The following PRSS16 variants were observed in gnomAD, a reference collection of about 807,000 sequenced individuals.
PRSS16 encodes thymus-specific serine protease.
Under a neutral mutation model 61.7 loss-of-function variants are expected in PRSS16, and 43 were observed. The observed-to-expected ratio is 0.70, with a 90% confidence interval of 0.55 to 0.90. The LOEUF (loss-of-function observed/expected upper bound fraction) is 0.90, where lower values mean the gene tolerates loss of function less well. PRSS16 is among the 40% of genes least tolerant of loss of function. PRSS16 has a pLI of 0.00. For missense variants in PRSS16, 591 were observed against 659.1 expected (o/e 0.90, Z 1.13); for synonymous variants, 273 against 285.2 (o/e 0.96, Z 0.43).
intron 9 of PRSS16, chr6:27,254,120 C>G (rs569493049): frequency 2.0e-5 from 3 of 152,978 alleles, no homozygotes; most frequent in Non-Finnish European, 4.4e-5. Flanking sequence ...CCTGTCTTCC[C>G]CTCTGGACTG....
chr6:27,251,989 G>T lies in PRSS16; in HGVS notation c.957G>T (p.Gly319=), dbSNP rs1166366123. The part of the protein sequence containing the change: ...RQLCGLLLGG[G]GNRSHSTPYC... ...TCTGCGGACTTCTCCTCGGGGGCGG[G>T]GGCAACCGCAGCCACTCCACGCCCT... is the stretch of plus-strand genomic sequence containing the variant. Residue 319 remains glycine (G), a synonymous_variant, in exon 8 of 12, where the codon GGG becomes GGT. Coordinates refer to ENST00000230582, the MANE Select transcript of PRSS16 (RefSeq NM_005865.4). This position sits in a 1 kb window ranked among gnomAD's most constrained non-coding sequence, Gnocchi z 5.6. 1.9e-6 allele frequency: 3 copies of T among 1,587,122 alleles called. No homozygotes were observed. Among genetic ancestry groups the T allele is most frequent in the Admixed American group, 3.6e-5 (2 of 55,458 alleles).
At position 27,251,797 on chromosome 6, in the gene PRSS16, G is replaced by T; in HGVS notation, c.765G>T (p.Leu255=). 6.2e-7 allele frequency: 1 copy of T among 1,609,350 alleles called. No homozygotes were observed. Among genetic ancestry groups the T allele is most frequent in the South Asian group, 1.1e-5 (1 of 90,876 alleles). The change falls in exon 8 of 12, where the codon CTG becomes CTT. Residue 255 remains leucine (L), a synonymous_variant. Coordinates refer to ENST00000230582, the MANE Select transcript of PRSS16 (RefSeq NM_005865.4). The surrounding 1 kb of genome is among the most constrained non-coding windows in gnomAD (Gnocchi z 5.6). The part of the protein sequence containing the change: ...SVAFAEVERR[L]RSGGAAQAAL... ...CCTTCGCTGAAGTGGAGCGGCGGCTGCGCTCGGGTGGGGCGGCTCAAGCAG... is the reference window on the plus strand; with the variant it reads ...CCTTCGCTGAAGTGGAGCGGCGGCTTCGCTCGGGTGGGGCGGCTCAAGCAG...
Position 27,247,958 on chromosome 6 carries a change from G to T in PRSS16, c.147G>T (p.Leu49=). 1 of 1,608,262 alleles carries T rather than the reference G, an allele frequency of 6.2e-7. No homozygotes were observed. The highest frequency in any genetic ancestry group is 8.5e-7 in the Non-Finnish European group (1 of 1,177,494). ...ESSAQGLGLS[L]GPGAAALPKV... ...CTGCCCAGGGCCTGGGCCTGAGCCT[G>T]GGGCCAGGTGCTGCAGCCCTCCCAA... The change falls in exon 2 of 12, where the codon CTG becomes CTT. Residue 49 remains leucine, a synonymous_variant. Transcript: ENST00000230582.
chr6:27,251,262 G>A lies in PRSS16; in HGVS notation c.715G>A (p.Glu239Lys). 3 of 1,604,764 alleles carry A rather than the reference G, an allele frequency of 1.9e-6. No homozygotes were observed. The highest frequency in any genetic ancestry group is 2.6e-6 in the Non-Finnish European group (3 of 1,175,364). ...GAGCACCGCGATCGGCGGGTCCCTG[G>A]AGGTAGGAGGTGGGGCCTAGTCCGA... ...LMSTAIGGSLECRAAVSVAFA... is the reference protein window; with the variant it reads ...LMSTAIGGSLKCRAAVSVAFA... The change falls in exon 7 of 12, where the codon GAG (glutamate) becomes AAG (lysine). Residue 239 changes from glutamate to lysine, a missense_variant and splice_region_variant. Physicochemically the swap from Glu to Lys is moderately conservative, Grantham distance 56. Coordinates refer to ENST00000230582, the MANE Select transcript of PRSS16 (RefSeq NM_005865.4). The surrounding 1 kb of genome is among the most constrained non-coding windows in gnomAD (Gnocchi z 5.6).
Position 27,251,253 on chromosome 6 carries a change from G to C in PRSS16, c.706G>C (p.Gly236Arg). 3 of 1,607,676 alleles carry C rather than the reference G, an allele frequency of 1.9e-6. No individual in the cohort carries two copies. The highest frequency in any genetic ancestry group is 2.5e-6 in the Non-Finnish European group (3 of 1,176,670). The change falls in exon 7 of 12, where the codon GGG becomes CGG. Residue 236 changes from glycine (G) to arginine (R), a missense_variant. Gly to Arg is a moderately radical substitution (Grantham distance 125). Transcript: ENST00000230582. This position sits in a 1 kb window ranked among gnomAD's most constrained non-coding sequence, Gnocchi z 5.6. ...AAGCCTAATGAGCACCGCGATCGGCGGGTCCCTGGAGGTAGGAGGTGGGGC... is the reference window on the plus strand; with the variant it reads ...AAGCCTAATGAGCACCGCGATCGGCCGGTCCCTGGAGGTAGGAGGTGGGGC... The part of the protein sequence containing the change: ...SRSLMSTAIG[G>R]SLECRAAVSV...
At position 27,252,925 on chromosome 6, in the gene PRSS16, C is replaced by G; in HGVS notation, c.1126C>G (p.Gln376Glu). Residue 376 changes from glutamine to glutamate, a missense_variant, in exon 9 of 12, where the codon CAG becomes GAG. Transcript: ENST00000230582. The surrounding 1 kb of genome is among the most constrained non-coding windows in gnomAD (Gnocchi z 4.2). ...SGVGDRQWLY[Q>E]TCTEFGFYVT... ...TGTGGGTGACCGGCAGTGGTTGTAT[C>G]AGACATGTACCGAGTTCGGCTTCTG... is the stretch of plus-strand genomic sequence containing the variant. The G allele has an allele frequency of 3.7e-6, 6 of 1,614,148 alleles. No individual in the cohort carries two copies. Among genetic ancestry groups the G allele is most frequent in the Non-Finnish European group, 5.1e-6 (6 of 1,180,030 alleles).
At position 27,251,681 on chromosome 6, in the gene PRSS16, C is replaced by G; in HGVS notation, c.718-69C>G. The G allele has an allele frequency of 6.6e-7, 1 of 1,520,256 alleles. No homozygotes were observed. The highest frequency in any genetic ancestry group is 8.7e-7 in the Non-Finnish European group (1 of 1,145,356). The allele number at this position is 1,520,256 out of a possible 1,614,324, so 94.2% of individuals were successfully genotyped here. Reference sequence around the variant, plus strand: ...GAAAGTGGGGAACCCAAGGAGGACGCAGGTCCTGGGTAGGGAAAGCCGAGG... The same window carrying G: ...GAAAGTGGGGAACCCAAGGAGGACGGAGGTCCTGGGTAGGGAAAGCCGAGG... On this transcript the variant is annotated intron_variant, in intron 7 of 11. Coordinates refer to ENST00000230582, the MANE Select transcript of PRSS16 (RefSeq NM_005865.4). The surrounding 1 kb of genome is among the most constrained non-coding windows in gnomAD (Gnocchi z 5.6).
Position 27,251,968 on chromosome 6 carries a change from C to G in PRSS16, c.936C>G (p.Cys312Trp). 1.3e-6 allele frequency: 2 copies of G among 1,599,064 alleles called. No homozygotes were observed. Among genetic ancestry groups the G allele is most frequent in the Non-Finnish European group, 8.5e-7 (1 of 1,174,436 alleles). The change falls in exon 8 of 12, where the codon TGC becomes TGG. Residue 312 changes from cysteine to tryptophan, a missense_variant. Cys to Trp is a radical substitution (Grantham distance 215, BLOSUM62 -2). Coordinates refer to ENST00000230582, the MANE Select transcript of PRSS16 (RefSeq NM_005865.4). This position sits in a 1 kb window ranked among gnomAD's most constrained non-coding sequence, Gnocchi z 5.6. ...CGCCGCTAAGCGTGCGACAGCTCTG[C>G]GGACTTCTCCTCGGGGGCGGGGGCA... Reference protein sequence around the residue: ...TGAPLSVRQLCGLLLGGGGNR... With the variant: ...TGAPLSVRQLWGLLLGGGGNR...
At position 27,255,409 on chromosome 6, in the gene PRSS16, A is replaced by C; in HGVS notation, c.*94A>C. 1 of 1,312,012 alleles carries C rather than the reference A, an allele frequency of 7.6e-7. No homozygotes were observed. The highest frequency in any genetic ancestry group is 1.1e-6 in the Non-Finnish European group (1 of 947,708). The allele number at this position is 1,312,012 out of a possible 1,614,324, so 81.3% of individuals were successfully genotyped here. ...AAAGCAGCTTGTTTTGAAAGAAGAA[A>C]CTCCCAGGAATTGGAATTCAGCACC... On this transcript the variant is annotated 3_prime_UTR_variant, in exon 12 of 12. Transcript: ENST00000230582. This position sits in a 1 kb window ranked among gnomAD's most constrained non-coding sequence, Gnocchi z 4.4.
rs267600917 is a variant in PRSS16 at position 27,254,726 on chromosome 6, C to T, written c.1184C>T (p.Ser395Phe). ...VTCENPRCPF[S>F]QLPALPSQLD... Reference sequence around the variant, plus strand: ...TGTGAGAATCCCAGATGTCCTTTCTCCCAGCTCCCAGCACTGCCCTCCCAG... The same window carrying T: ...TGTGAGAATCCCAGATGTCCTTTCTTCCAGCTCCCAGCACTGCCCTCCCAG... The change falls in exon 10 of 12, where the codon TCC (serine) becomes TTC (phenylalanine). Residue 395 changes from serine (S) to phenylalanine (F), a missense_variant. By Grantham distance (155) the Ser-to-Phe change is radical. Coordinates refer to ENST00000230582, the MANE Select transcript of PRSS16 (RefSeq NM_005865.4). The T allele has an allele frequency of 6.2e-7, 1 of 1,614,016 alleles. No homozygotes were observed. The highest frequency in any genetic ancestry group is 8.5e-7 in the Non-Finnish European group (1 of 1,179,854).
rs1165531150 is a variant in PRSS16 at position 27,251,002 on chromosome 6, A to C, written c.592-40A>C. ...CAGAGGCAGAAAGATATGCGATTCC[A>C]ACCCCTCAGCCCGCAGGCTGACGGC... On this transcript the variant is annotated intron_variant, in intron 5 of 11. Coordinates refer to ENST00000230582, the MANE Select transcript of PRSS16 (RefSeq NM_005865.4). This position sits in a 1 kb window ranked among gnomAD's most constrained non-coding sequence, Gnocchi z 5.6. 3 of 1,609,554 alleles carry C rather than the reference A, an allele frequency of 1.9e-6. No homozygotes were observed. Among genetic ancestry groups the C allele is most frequent in the Non-Finnish European group, 2.5e-6 (3 of 1,178,118 alleles).
chr6:27,250,886 C>G, intron 5 of PRSS16, 80 bp downstream of exon 5: 1 of 1,547,586 alleles, frequency 6.5e-7, no homozygotes, highest in Non-Finnish European at 8.7e-7. Context: ...GGAATACCCT[C>G]CCACCACGCC....
Position 27,255,121 on chromosome 6 carries a change from T to TA in PRSS16, c.1467dup (p.Gly490ArgfsTer22). The TA allele has an allele frequency of 3.7e-6, 6 of 1,614,160 alleles. No individual in the cohort carries two copies. The highest frequency in any genetic ancestry group is 4.2e-6 in the Non-Finnish European group (5 of 1,180,016). The stretch of plus-strand genomic sequence containing the variant: ...CCCTCAGACTCCCCCAGCCTCCGCC[T>TA]AGGGCGCCAGGTAAGAGAAAAAAGG... On this transcript the variant is annotated frameshift_variant, in exon 11 of 12. Transcript: ENST00000230582. LOFTEE classifies it low-confidence loss of function (END_TRUNC). The surrounding 1 kb of genome is among the most constrained non-coding windows in gnomAD (Gnocchi z 4.4).
rs1283483354 is a variant in PRSS16 at position 27,251,592 on chromosome 6, CG to C, written c.718-153del. 3 of 353,656 alleles carry C rather than the reference CG, an allele frequency of 8.5e-6. No homozygotes were observed. The African/African-American group carries it at 4.6e-4, about 54-fold the overall frequency. 21.9% of individuals were successfully genotyped at this position (353,656 alleles called of 1,614,324 possible). A position where few individuals can be genotyped will look rare whatever the true frequency, so the allele number is the denominator to read the frequency against. On this transcript the variant is annotated intron_variant, in intron 7 of 11. Coordinates refer to ENST00000230582, the MANE Select transcript of PRSS16 (RefSeq NM_005865.4). The surrounding 1 kb of genome is among the most constrained non-coding windows in gnomAD (Gnocchi z 5.6). ...GGGCTGCGAGGCAGGGGATTGGGGG[CG>C]GGGGCCTGGGGGCGGGGGCCTGGGC...
At position 27,251,598 on chromosome 6, in the gene PRSS16, C is replaced by T. The variant is rs1487721922; in HGVS notation, c.718-152C>T. 3 of 770,890 alleles carry T rather than the reference C, an allele frequency of 3.9e-6. No individual in the cohort carries two copies. In the African/African-American group the frequency reaches 6.2e-5, roughly 16 times the overall value. The allele number at this position is 770,890 out of a possible 1,614,324, so 47.8% of individuals were successfully genotyped here. On this transcript the variant is annotated intron_variant, in intron 7 of 11. Coordinates refer to ENST00000230582, the MANE Select transcript of PRSS16 (RefSeq NM_005865.4). The surrounding 1 kb of genome is among the most constrained non-coding windows in gnomAD (Gnocchi z 5.6). ...CGAGGCAGGGGATTGGGGGCGGGGG[C>T]CTGGGGGCGGGGGCCTGGGCCAAGA...
At position 27,251,525 on chromosome 6, in the gene PRSS16, C is replaced by A; in HGVS notation, c.718-225C>A. 1 of 713,116 alleles carries A rather than the reference C, an allele frequency of 1.4e-6. No individual in the cohort carries two copies. Among genetic ancestry groups the A allele is most frequent in the Non-Finnish European group, 2.2e-6 (1 of 455,584 alleles). The allele number at this position is 713,116 out of a possible 1,614,324, so 44.2% of individuals were successfully genotyped here. On this transcript the variant is annotated intron_variant, in intron 7 of 11. Coordinates refer to ENST00000230582, the MANE Select transcript of PRSS16 (RefSeq NM_005865.4). The surrounding 1 kb of genome is among the most constrained non-coding windows in gnomAD (Gnocchi z 5.6). Reference sequence around the variant, plus strand: ...AGGTGAGGCTCAAGGTGGGGCGGGGCCACAATGGAGGACGGGGCCTGCAGG... The same window carrying A: ...AGGTGAGGCTCAAGGTGGGGCGGGGACACAATGGAGGACGGGGCCTGCAGG...
chr6:27,251,510 C>G lies in PRSS16; in HGVS notation c.718-240C>G. Reference sequence around the variant, plus strand: ...GACAATCCTATCCGGAGGTGAGGCTCAAGGTGGGGCGGGGCCACAATGGAG... The same window carrying G: ...GACAATCCTATCCGGAGGTGAGGCTGAAGGTGGGGCGGGGCCACAATGGAG... On this transcript the variant is annotated intron_variant, in intron 7 of 11. Transcript: ENST00000230582. The surrounding 1 kb of genome is among the most constrained non-coding windows in gnomAD (Gnocchi z 5.6). 1.4e-6 allele frequency: 1 copy of G among 707,668 alleles called. No individual in the cohort carries two copies. Among genetic ancestry groups the G allele is most frequent in the East Asian group, 2.9e-5 (1 of 34,802 alleles). The allele number at this position is 707,668 out of a possible 1,614,324, so 43.8% of individuals were successfully genotyped here. A position where few individuals can be genotyped will look rare whatever the true frequency, so the allele number is the denominator to read the frequency against.
In PRSS16 at chr6:27,251,430, G is replaced by C; in HGVS notation, c.717+166G>C. On this transcript the variant is annotated intron_variant, in intron 7 of 11. Coordinates refer to ENST00000230582, the MANE Select transcript of PRSS16 (RefSeq NM_005865.4). This position sits in a 1 kb window ranked among gnomAD's most constrained non-coding sequence, Gnocchi z 5.6. ...TTGGAAGAAGGCGGGAGCTGACGAAGAGGAGGGGCACCAGGAAAAGAGGCG... is the reference window on the plus strand; with the variant it reads ...TTGGAAGAAGGCGGGAGCTGACGAACAGGAGGGGCACCAGGAAAAGAGGCG... 1 of 929,136 alleles carries C rather than the reference G, an allele frequency of 1.1e-6. No individual in the cohort carries two copies. The highest frequency in any genetic ancestry group is 1.6e-6 in the Non-Finnish European group (1 of 640,272). The allele number at this position is 929,136 out of a possible 1,614,324, so 57.6% of individuals were successfully genotyped here.
chr6:27,251,050 T>C lies in PRSS16; in HGVS notation c.600T>C (p.His200=), dbSNP rs775528631. 3 of 1,613,916 alleles carry C rather than the reference T, an allele frequency of 1.9e-6. No individual in the cohort carries two copies. Among genetic ancestry groups the C allele is most frequent in the Middle Eastern group, 1.6e-4 (1 of 6,062 alleles). The change falls in exon 6 of 12, where the codon CAT becomes CAC. Residue 200 remains histidine (H), a synonymous_variant. Coordinates refer to ENST00000230582, the MANE Select transcript of PRSS16 (RefSeq NM_005865.4). The surrounding 1 kb of genome is among the most constrained non-coding windows in gnomAD (Gnocchi z 5.6). ...LAAWARLKFP[H]LIFASVASSA... ...GGCGTCTCCTCCCTTAGTTCCCCCA[T>C]CTCATTTTCGCGTCGGTCGCCTCCT...
Sources: gnomAD v4.1 joint callset for allele counts on GRCh38, gnomAD v4.1.1 for gene constraint, Gnocchi (gnomAD v3.1) non-coding constraint, MANE v1.5 for transcripts, NCBI Gene and HGNC (gene_info 2026-07-23, HGNC 2026-07-21) for gene names.